KCNMA1: variants seen among roughly 807,000 people sequenced by gnomAD.
The protein encoded by KCNMA1 is Calcium-activated potassium channel subunit alpha-1.
In KCNMA1, 29 loss-of-function variants were observed where a neutral mutation model predicts 140.0. That is an observed-to-expected ratio of 0.21 (90% CI 0.15 to 0.28). KCNMA1 has a LOEUF of 0.28. KCNMA1 is among the 10% of genes least tolerant of loss of function. The pLI, the probability that KCNMA1 is intolerant of heterozygous loss-of-function variation, is 1.00. For missense variants in KCNMA1, 880 were observed against 1,602.2 expected (o/e 0.55, Z 7.70); for synonymous variants, 612 against 611.9 (o/e 1.00, Z 0.00).
At chr10:77,078,228 A>G (rs1297450109) in intron 13 of KCNMA1, among the ~76,000 whole-genome samples, 1 of 152,200 alleles carries the variant, frequency 6.6e-6, no homozygotes, top group Non-Finnish European at 1.5e-5. Context: ...GTTATTCTGT[A>G]CAGACAGGAC....
chr10:77,538,395 C>T (rs1008583309), intron 1 of KCNMA1, among the ~76,000 whole-genome samples: 1 of 152,194 alleles, frequency 6.6e-6, no homozygotes, highest in African/African-American at 2.4e-5. Context: ...GGATTCTCCC[C>T]AAGATCCTTG....
intron 2 of KCNMA1, among the ~76,000 whole-genome samples, chr10:77,341,657 A>C (rs1482026233): frequency 6.6e-6 from 1 of 152,200 alleles, no homozygotes; most frequent in Non-Finnish European, 1.5e-5. Context: ...GTCTCCTGCC[A>C]GGAAAAGTTG....
intron 14 of KCNMA1, among the ~76,000 whole-genome samples, chr10:77,050,826 A>G (rs1278930576): frequency 1.3e-5 from 2 of 152,224 alleles, no homozygotes; most frequent in Non-Finnish European, 1.5e-5. Flanking sequence ...ACCAGAGATG[A>G]AAAAGAATGC....
At chr10:77,567,083 T>C (rs1432081501) in intron 1 of KCNMA1, among the ~76,000 whole-genome samples, 1 of 152,126 alleles carries the variant, frequency 6.6e-6, no homozygotes. Context: ...CCCTGGCAGA[T>C]ACCGTCCTCT....
intron 1 of KCNMA1, among the ~76,000 whole-genome samples, chr10:77,570,877 G>A (rs2070982817): frequency 6.6e-6 from 1 of 150,970 alleles, no homozygotes; most frequent in African/African-American, 2.4e-5. Flanking sequence ...GCTGCAGTGA[G>A]ACAGGATTGC....
intron 22 of KCNMA1, 26 bp from the exon 23 acceptor site, chr10:76,944,991 A>C: frequency 3.8e-6 from 6 of 1,598,880 alleles, no homozygotes; most frequent in Non-Finnish European, 4.3e-6. Flanking sequence ...AAGAAAAAAA[A>C]ACAGAGATGG....
intron 11 of KCNMA1, 35 bp downstream of exon 11, chr10:77,086,453 T>A: frequency 6.7e-7 from 1 of 1,490,348 alleles, no homozygotes; most frequent in African/African-American, 1.4e-5. Flanking sequence ...CACACCAAGA[T>A]GGAATAAAAG....
At chr10:77,483,626 A>G (rs2098427670) in intron 1 of KCNMA1, among the ~76,000 whole-genome samples, 1 of 151,926 alleles carries the variant, frequency 6.6e-6, no homozygotes, top group African/African-American at 2.4e-5. Context: ...CCTGCTTGCC[A>G]CTCCAGGCCT....
At chr10:77,230,500 T>G (rs894574701) in intron 3 of KCNMA1, among the ~76,000 whole-genome samples, 28 of 152,354 alleles carry the variant, frequency 1.8e-4, no homozygotes, top group African/African-American at 6.7e-4. Flanking sequence ...AGAAGATATT[T>G]CACAAGTTCT....
intron 5 of KCNMA1, among the ~76,000 whole-genome samples, chr10:77,171,387 G>A (rs968259876): frequency 6.3e-5 from 7 of 111,456 alleles, no homozygotes; most frequent in South Asian, 3.2e-4. Context: ...GTACGTGTGC[G>A]TGTGTGTGTG....
chr10:77,098,382 G>T (rs558830595), intron 9 of KCNMA1, among the ~76,000 whole-genome samples: 1 of 152,076 alleles, frequency 6.6e-6, no homozygotes, highest in African/African-American at 2.4e-5. Context: ...GAGGCCAATG[G>T]GTACTCTTAA....
chr10:77,346,104 A>G (rs2092078520), intron 2 of KCNMA1, among the ~76,000 whole-genome samples: 1 of 152,236 alleles, frequency 6.6e-6, no homozygotes, highest in African/African-American at 2.4e-5. Flanking sequence ...AATCTATGCT[A>G]GTCTTCATGA....
intron 1 of KCNMA1, among the ~76,000 whole-genome samples, chr10:77,600,047 G>A (rs1201429769): frequency 6.6e-6 from 1 of 152,190 alleles, no homozygotes; most frequent in Non-Finnish European, 1.5e-5. Flanking sequence ...CTGAGCATAC[G>A]CTGTGGGAAG....
At chr10:77,224,439 T>C (rs1599199997) in intron 3 of KCNMA1, among the ~76,000 whole-genome samples, 1 of 152,206 alleles carries the variant, frequency 6.6e-6, no homozygotes, top group Non-Finnish European at 1.5e-5. Flanking sequence ...CTGATGAACT[T>C]GCCTTTTCTA....
Position 77,007,581 on chromosome 10 carries a change from T to C in KCNMA1, c.2092+4386A>G, listed in dbSNP as rs573094570. Among the ~76,000 whole-genome samples the C allele has an allele frequency of 8.9e-4, 133 of 150,252 alleles. 1 individual carries two copies. Among genetic ancestry groups the C allele is most frequent in the African/African-American group, 3.2e-3 (129 of 40,924 alleles). On this transcript the variant is annotated intron_variant, in intron 18 of 27. Transcript: ENST00000286628. Reference sequence around the variant, plus strand: ...TCTATGGAATATCTCTACTCTTATATGTAAAAATATGAATTTTTACATATA... The same window carrying C: ...TCTATGGAATATCTCTACTCTTATACGTAAAAATATGAATTTTTACATATA...
At chr10:77,553,492 G>C (rs917741969) in intron 1 of KCNMA1, among the ~76,000 whole-genome samples, 1 of 152,140 alleles carries the variant, frequency 6.6e-6, no homozygotes, top group Non-Finnish European at 1.5e-5. Context: ...AAGTGCCCTC[G>C]CCTCCCTCCT....
intron 9 of KCNMA1, chr10:77,091,678 G>A (rs1288246297): frequency 6.6e-6 from 1 of 152,208 alleles, no homozygotes; most frequent in African/African-American, 2.4e-5. Context: ...ATGCAGCATG[G>A]TAATTTCCTG....
chr10:77,259,896 C>T (rs902820732), intron 2 of KCNMA1, among the ~76,000 whole-genome samples: 4 of 152,114 alleles, frequency 2.6e-5, no homozygotes, highest in Admixed American at 6.6e-5. Flanking sequence ...TTAGTTATCA[C>T]GAAATTCCAA....
At chr10:76,900,114 CAT>C (rs2044438542) in intron 25 of KCNMA1, among the ~76,000 whole-genome samples, 2 of 150,664 alleles carry the variant, frequency 1.3e-5, no homozygotes, top group Non-Finnish European at 2.9e-5. Flanking sequence ...TTTCAATTAT[CAT>C]ATGTTTATAA....
Sources: allele counts gnomAD v4.1 joint callset (sites outside exome capture counted in the v4.1 genomes callset), GRCh38; gene constraint gnomAD v4.1.1; transcripts MANE v1.5; gene names NCBI Gene and HGNC (gene_info 2026-07-23, HGNC 2026-07-21).